Variants in LRRC4C observed in about 807,000 individuals in gnomAD.
LRRC4C encodes the protein leucine rich repeat containing 4C.
In LRRC4C, 5 loss-of-function variants were observed where a neutral mutation model predicts 33.6. The ratio of observed to expected loss-of-function variants is 0.15; its 90% confidence interval spans 0.08 to 0.31. The LOEUF (loss-of-function observed/expected upper bound fraction) is 0.31, where lower values mean the gene tolerates loss of function less well. Among genes scored for constraint, LRRC4C ranks in the 10% least tolerant of loss-of-function variants. The pLI is 1.00. For synonymous variants in LRRC4C, 329 were observed against 302.0 expected (o/e 1.09, Z -0.93); for missense variants, 560 against 796.7 (o/e 0.70, Z 3.58).
chr11:41,184,278 G>A (rs1555103600), intron 1 of LRRC4C, among the ~76,000 whole-genome samples: 1 of 149,650 alleles, frequency 6.7e-6, no homozygotes, highest in Admixed American at 6.7e-5. Context: ...CTGTCATATT[G>A]TCAGGGTGCA....
intron 5 of LRRC4C, among the ~76,000 whole-genome samples, chr11:40,216,579 C>T (rs963610737): frequency 6.6e-5 from 10 of 151,886 alleles, no homozygotes; most frequent in African/African-American, 1.5e-4. Flanking sequence ...GATTAAGAAG[C>T]GGAAAATGGG....
chr11:40,177,029 C>A (rs763144896), intron 5 of LRRC4C, among the ~76,000 whole-genome samples: 57 of 146,366 alleles, frequency 3.9e-4, no homozygotes, highest in Non-Finnish European at 6.6e-4. Flanking sequence ...CAGGTTCACA[C>A]CATTCTCCTG....
Position 41,249,036 on chromosome 11 carries a change from C to CTTTTTTTTTTTTT in LRRC4C, c.-496+210394_-496+210395insAAAAAAAAAAAAA, listed in dbSNP as rs554360740. On this transcript the variant is annotated intron_variant, in intron 1 of 6. Coordinates refer to ENST00000528697, the MANE Select transcript of LRRC4C (RefSeq NM_001258419.2). The stretch of plus-strand genomic sequence containing the variant: ...TTATCTCCCTGGTTTAAGATACTGT[C>CTTTTTTTTTTTTT]TTCTTTTTTTTTTTTTGAGATGGAG... 2.0e-5 allele frequency among the ~76,000 whole-genome samples: 3 copies of CTTTTTTTTTTTTT among 148,984 alleles called. 1 individual carries two copies. The highest frequency in any genetic ancestry group is 1.5e-5 in the Non-Finnish European group (1 of 67,266).
At chr11:41,388,303 G>A (rs1246685067) in intron 1 of LRRC4C, among the ~76,000 whole-genome samples, 3 of 151,780 alleles carry the variant, frequency 2.0e-5, no homozygotes, top group East Asian at 1.9e-4. Context: ...GTAAAGATGC[G>A]TTTTTGAAGT....
chr11:40,587,386 G>A (rs1958807020), intron 3 of LRRC4C, among the ~76,000 whole-genome samples: 3 of 146,910 alleles, frequency 2.0e-5, no homozygotes, highest in African/African-American at 7.7e-5. Context: ...CTGAGACAAT[G>A]GGGTTTTCTA....
At chr11:40,815,777 C>G (rs1338585559) in intron 2 of LRRC4C, among the ~76,000 whole-genome samples, 1 of 152,142 alleles carries the variant, frequency 6.6e-6, no homozygotes, top group Non-Finnish European at 1.5e-5. Flanking sequence ...TAACTCTAGT[C>G]CAACTCGTTG....
chr11:41,281,104 T>TCTCTCACA (rs1455403663), intron 1 of LRRC4C, among the ~76,000 whole-genome samples: 2 of 102,510 alleles, frequency 2.0e-5, no homozygotes, highest in Non-Finnish European at 3.8e-5. Context: ...TCTCTCTCTC[T>TCTCTCACA]CACACACACA....
intron 1 of LRRC4C, among the ~76,000 whole-genome samples, chr11:41,241,391 T>G (rs1173469465): frequency 6.6e-6 from 1 of 151,874 alleles, no homozygotes; most frequent in African/African-American, 2.4e-5. Flanking sequence ...ACATGCTGAG[T>G]GTGGGAAATG....
At chr11:40,479,047 ATATT>A (rs1451827579) in intron 3 of LRRC4C, among the ~76,000 whole-genome samples, 1 of 152,124 alleles carries the variant, frequency 6.6e-6, no homozygotes, top group East Asian at 1.9e-4. Flanking sequence ...TTAAAATTAT[ATATT>A]TATTAGTGAG....
chr11:40,963,245 T>A (rs752496474), intron 1 of LRRC4C, among the ~76,000 whole-genome samples: 1 of 151,764 alleles, frequency 6.6e-6, no homozygotes, highest in South Asian at 2.1e-4. Flanking sequence ...TAATTTTTAA[T>A]ACAATGCAAT....
Position 40,971,138 on chromosome 11 carries a change from A to G in LRRC4C, c.-495-37415T>C, listed in dbSNP as rs1443888649. ...ATTCAAGATGGCTTCAGAAATTCACATAAGTAAAGAGGAGCCAAATGCTGA... is the reference window on the plus strand; with the variant it reads ...ATTCAAGATGGCTTCAGAAATTCACGTAAGTAAAGAGGAGCCAAATGCTGA... On this transcript the variant is annotated intron_variant, in intron 1 of 6. Transcript: ENST00000528697. 3.9e-5 allele frequency among the ~76,000 whole-genome samples: 6 copies of G among 152,232 alleles called. 1 individual carries two copies. In the South Asian group the frequency reaches 1.0e-3, roughly 26 times the overall value.
chr11:40,378,499 G>A (rs1235614185), intron 3 of LRRC4C, among the ~76,000 whole-genome samples: 2 of 152,008 alleles, frequency 1.3e-5, no homozygotes, highest in African/African-American at 4.8e-5. Context: ...TGTTTGGGGT[G>A]TAGATGGTAA....
intron 1 of LRRC4C, among the ~76,000 whole-genome samples, chr11:40,956,068 C>T (rs1417082097): frequency 6.6e-6 from 1 of 151,698 alleles, no homozygotes; most frequent in African/African-American, 2.4e-5. Context: ...TTACAAAGGG[C>T]CATATTGTAG....
At chr11:40,980,902 C>G (rs941415170) in intron 1 of LRRC4C, among the ~76,000 whole-genome samples, 32 of 152,030 alleles carry the variant, frequency 2.1e-4, no homozygotes, top group African/African-American at 6.5e-4. Flanking sequence ...GTGAGCAGAG[C>G]CTACGTAATA....
At chr11:40,460,761 T>C (rs1334106648) in intron 3 of LRRC4C, among the ~76,000 whole-genome samples, 1 of 152,110 alleles carries the variant, frequency 6.6e-6, no homozygotes, top group South Asian at 2.1e-4. Context: ...TTTTTCACCA[T>C]TGTATCTTGA....
chr11:40,594,496 G>T (rs542679447), intron 3 of LRRC4C, among the ~76,000 whole-genome samples: 87 of 152,314 alleles, frequency 5.7e-4, no homozygotes, highest in Non-Finnish European at 1.2e-3. Context: ...TAAGAGTCAA[G>T]AGGAAGAGCA....
chr11:40,220,420 T>C (rs1196502350), intron 5 of LRRC4C, among the ~76,000 whole-genome samples: 1 of 152,196 alleles, frequency 6.6e-6, no homozygotes, highest in Non-Finnish European at 1.5e-5. Context: ...TTTATAAGCA[T>C]AGATATGCGA....
At chr11:41,439,030 T>G (rs1256416889) in intron 1 of LRRC4C, among the ~76,000 whole-genome samples, 2 of 152,182 alleles carry the variant, frequency 1.3e-5, no homozygotes, top group Admixed American at 1.3e-4. Context: ...ACCCAACAGA[T>G]AATTTTTCAT....
chr11:41,397,677 T>TAA (rs11381080), intron 1 of LRRC4C, among the ~76,000 whole-genome samples: 53 of 143,806 alleles, frequency 3.7e-4, no homozygotes, highest in East Asian at 8.2e-4. Context: ...GAACAAAAAC[T>TAA]AAAAAAAAAA....
Sources: gnomAD v4.1 joint callset for allele counts (sites outside exome capture counted in the v4.1 genomes callset) on GRCh38, gnomAD v4.1.1 for gene constraint, MANE v1.5 for transcripts, NCBI Gene and HGNC (gene_info 2026-07-23, HGNC 2026-07-21) for gene names.